EPPK1: variants seen among roughly 807,000 people sequenced by gnomAD.
EPPK1 encodes the protein epiplakin.
For synonymous variants in EPPK1, 1,862 were observed against 1,721.2 expected (o/e 1.08, Z -2.03); for missense variants, 3,823 against 3,673.3 (o/e 1.04, Z -1.05).
At position 143,870,392 on chromosome 8, in the gene EPPK1, C is replaced by T. The variant is rs1346263836; in HGVS notation, c.2862G>A (p.Leu954=). The change falls in exon 2 of 2, where the codon CTG becomes CTA. Residue 954 remains leucine (L), a synonymous_variant. Coordinates refer to ENST00000615648, the MANE Select transcript of EPPK1 (RefSeq NM_031308.4). The surrounding 1 kb of genome is among the most constrained non-coding windows in gnomAD (Gnocchi z 5.2). ...GGGCCAGGGCCACCCTGGGCCCCAG[C>T]AGCTTCTGCCTCATGGCCTGGTAGA... ...LSLYQAMRQK[L]LGPRVALALL... The T allele has an allele frequency of 1.3e-6, 2 of 1,575,644 alleles. No homozygotes were observed. Among genetic ancestry groups the T allele is most frequent in the Admixed American group, 1.8e-5 (1 of 56,014 alleles).
In EPPK1 at chr8:143,868,514, G is replaced by A; in HGVS notation, c.4740C>T (p.Gly1580=). ...CTGGGATGCTCATCCTCTCCTGGGT[G>A]CCCTGGATAAGGACCCCGGCAATGA... ...GNFIAGVLIQ[G]TQERMSIPEA... is the part of the protein sequence containing the mutation. Residue 1580 remains glycine (G), a synonymous_variant, in exon 2 of 2, where the codon GGC becomes GGT. Transcript: ENST00000615648. 1 of 1,608,932 alleles carries A rather than the reference G, an allele frequency of 6.2e-7. No individual in the cohort carries two copies. Among genetic ancestry groups the A allele is most frequent in the Non-Finnish European group, 8.5e-7 (1 of 1,178,254 alleles).
At chr8:143,876,695 C>T (rs1554662338) in intron 1 of EPPK1, among the ~76,000 whole-genome samples, 1 of 152,256 alleles carries the variant, frequency 6.6e-6, no homozygotes, top group South Asian at 2.1e-4. Context: ...TTCCAGGACC[C>T]TCCAGGATCT....
In EPPK1 at chr8:143,869,126, C is replaced by T. The variant is rs551138426; in HGVS notation, c.4128G>A (p.Gln1376=). ...GAAGGCCGAGTCTGCAGGCTGCCGC[C>T]TGGGGCAGGTGCACCCCGTGGACAG... ...VDPVHGVHLP[Q]AAACRLGLLD... is the part of the protein sequence containing the mutation. The change falls in exon 2 of 2, where the codon CAG becomes CAA. Residue 1376 remains glutamine, a synonymous_variant. Transcript: ENST00000615648. 2 of 1,606,304 alleles carry T rather than the reference C, an allele frequency of 1.2e-6. No individual in the cohort carries two copies. The highest frequency in any genetic ancestry group is 2.2e-5 in the South Asian group (2 of 91,058).
chr8:143,867,434 G>C lies in EPPK1; in HGVS notation c.5820C>G (p.Leu1940=). Residue 1940 remains leucine, a synonymous_variant, in exon 2 of 2, where the codon CTC becomes CTG. Transcript: ENST00000615648. ...GCTTCTGGCGGGTGCAGGGGTCCAGGAGGAACCCGGTGGCGGCCTGCGCCT... is the reference window on the plus strand; with the variant it reads ...GCTTCTGGCGGGTGCAGGGGTCCAGCAGGAACCCGGTGGCGGCCTGCGCCT... ...LLEAQAATGF[L]LDPCTRQKLS... is the part of the protein sequence containing the mutation. The C allele has an allele frequency of 6.2e-7, 1 of 1,612,732 alleles. No homozygotes were observed. Among genetic ancestry groups the C allele is most frequent in the Admixed American group, 1.7e-5 (1 of 60,030 alleles).
In EPPK1 at chr8:143,871,124, G is replaced by A; in HGVS notation, c.2130C>T (p.Leu710=). 2 of 1,613,242 alleles carry A rather than the reference G, an allele frequency of 1.2e-6. No individual in the cohort carries two copies. The highest frequency in any genetic ancestry group is 1.1e-5 in the South Asian group (1 of 91,084). The change falls in exon 2 of 2, where the codon CTC becomes CTT. Residue 710 remains leucine, a synonymous_variant. Coordinates refer to ENST00000615648, the MANE Select transcript of EPPK1 (RefSeq NM_031308.4). The stretch of plus-strand genomic sequence containing the variant: ...GGCGGATGCCGTGCTCCCGGACGAT[G>A]AGGCCCTTCTGCATGGCCTGGAAGA... ...ISLFQAMQKG[L]IVREHGIRLL...
In EPPK1 at chr8:143,866,660, C is replaced by G. The variant is rs377745715; in HGVS notation, c.6594G>C (p.Gln2198His). Residue 2198 changes from glutamine (Q) to histidine (H), a missense_variant, in exon 2 of 2, where the codon CAG becomes CAC. By Grantham distance (24) the Gln-to-His change is conservative. Coordinates refer to ENST00000615648, the MANE Select transcript of EPPK1 (RefSeq NM_031308.4). ...SSAIITEEML[Q>H]DLETGRSTTQ... is the part of the protein sequence containing the mutation. ...TCGTGCTCCGTCCCGTTTCCAGGTC[C>G]TGGAGCATTTCCTCCGTGATTATGG... is the stretch of plus-strand genomic sequence containing the variant. The G allele has an allele frequency of 1.2e-5, 19 of 1,613,058 alleles. No individual in the cohort carries two copies. Among genetic ancestry groups the G allele is most frequent in the Admixed American group, 3.3e-5 (2 of 60,014 alleles).
In EPPK1 at chr8:143,873,323, C is replaced by G. The variant is rs1234714295; in HGVS notation, c.-45-25G>C. ...CCTGCAGGGGACAGAAAGGCTCAATCAGGGACCCCGCATGGCCTGGTGGGC... is the reference window on the plus strand; with the variant it reads ...CCTGCAGGGGACAGAAAGGCTCAATGAGGGACCCCGCATGGCCTGGTGGGC... On this transcript the variant is annotated intron_variant, in intron 1 of 1. Coordinates refer to ENST00000615648, the MANE Select transcript of EPPK1 (RefSeq NM_031308.4). 7.0e-6 allele frequency: 10 copies of G among 1,420,386 alleles called. No homozygotes were observed. The East Asian group carries it at 2.1e-4, about 29-fold the overall frequency. The allele number at this position is 1,420,386 out of a possible 1,614,324, so 88.0% of individuals were successfully genotyped here. A position where few individuals can be genotyped will look rare whatever the true frequency, so the allele number is the denominator to read the frequency against.
chr8:143,871,357 C>A lies in EPPK1; in HGVS notation c.1897G>T (p.Gly633Trp), dbSNP rs1554661120. 1 of 1,609,616 alleles carries A rather than the reference C, an allele frequency of 6.2e-7. No individual in the cohort carries two copies. Among genetic ancestry groups the A allele is most frequent in the East Asian group, 2.2e-5 (1 of 44,762 alleles). ...AGGGCAGTGCCGGGCCGGAGGAGCCCCTTGCATCGGGCCTCATAGATGCTC... is the reference window on the plus strand; with the variant it reads ...AGGGCAGTGCCGGGCCGGAGGAGCCACTTGCATCGGGCCTCATAGATGCTC... ...RLSIYEARCK[G>W]LLRPGTALIL... The change falls in exon 2 of 2, where the codon GGG becomes TGG. Residue 633 changes from glycine to tryptophan, a missense_variant. Gly to Trp is a radical substitution (Grantham distance 184). Transcript: ENST00000615648.
At position 143,868,028 on chromosome 8, in the gene EPPK1, A is replaced by T. The variant is rs1189025122; in HGVS notation, c.5226T>A (p.Leu1742=). The change falls in exon 2 of 2, where the codon CTT becomes CTA. Residue 1742 remains leucine (L), a synonymous_variant. Coordinates refer to ENST00000615648, the MANE Select transcript of EPPK1 (RefSeq NM_031308.4). Reference sequence around the variant, plus strand: ...CGGGGTCCTCCACACAGCGCTCCAGAAGCTGCAGGTACGTGAGGTTCTCGT... The same window carrying T: ...CGGGGTCCTCCACACAGCGCTCCAGTAGCTGCAGGTACGTGAGGTTCTCGT... ...NTHENLTYLQ[L]LERCVEDPET... The T allele has an allele frequency of 8.7e-6, 14 of 1,613,486 alleles. No individual in the cohort carries two copies. The African/African-American group carries it at 1.1e-4, about 12-fold the overall frequency.
upstream of EPPK1, among the ~76,000 whole-genome samples, chr8:143,878,725 CT>C (rs1239900549): frequency 9.5e-3 from 1,384 of 145,954 alleles, 18 homozygotes; most frequent in African/African-American, 0.029. Flanking sequence ...TTCAGAACAG[CT>C]TTTTTTTTTT....
chr8:143,878,353 C>T (rs1554662576), intron 1 of EPPK1, 85 bp downstream of exon 1: 1 of 143,756 alleles, frequency 7.0e-6, no homozygotes. Context: ...GCCCCGAGCC[C>T]GCACCCGCAC....
Position 143,866,912 on chromosome 8 carries a change from C to T in EPPK1, c.6342G>A (p.Arg2114=). Residue 2114 remains arginine (R), a synonymous_variant, in exon 2 of 2, where the codon AGG becomes AGA. Transcript: ENST00000615648. ...EAEQVEITVG[R]FRGQKPTLWA... The stretch of plus-strand genomic sequence containing the variant: ...ACAGTGTTGGTTTCTGGCCTCTGAA[C>T]CTTCCCACTGTGATTTCCACTTGCT... The T allele has an allele frequency of 1.9e-6, 3 of 1,613,056 alleles. No individual in the cohort carries two copies. The highest frequency in any genetic ancestry group is 2.5e-6 in the Non-Finnish European group (3 of 1,179,878).
At chr8:143,873,949 C>G (rs2130654984) in intron 1 of EPPK1, among the ~76,000 whole-genome samples, 1 of 152,324 alleles carries the variant, frequency 6.6e-6, no homozygotes, top group Middle Eastern at 3.4e-3. Context: ...GCCCTGGTCT[C>G]CTGCCTCAGC....
Position 143,866,808 on chromosome 8 carries a change from C to G in EPPK1, c.6446G>C (p.Arg2149Pro), listed in dbSNP as rs782198653. The G allele has an allele frequency of 3.1e-6, 5 of 1,613,330 alleles. No homozygotes were observed. The highest frequency in any genetic ancestry group is 1.3e-5 in the African/African-American group (1 of 74,924). ...GAGCTGCGCTACCGTCTGCAGTGCCCGTCTGGTGTGTGTTCTATACATCCT... is the reference window on the plus strand; with the variant it reads ...GAGCTGCGCTACCGTCTGCAGTGCCGGTCTGGTGTGTGTTCTATACATCCT... ...LVRMYRTHTR[R>P]ALQTVAQLIL... Residue 2149 changes from arginine to proline, a missense_variant, in exon 2 of 2, where the codon CGG (arginine) becomes CCG (proline). By Grantham distance (103) the Arg-to-Pro change is moderately radical. Coordinates refer to ENST00000615648, the MANE Select transcript of EPPK1 (RefSeq NM_031308.4).
chr8:143,875,523 G>T (rs1819461218), intron 1 of EPPK1, among the ~76,000 whole-genome samples: 1 of 152,248 alleles, frequency 6.6e-6, no homozygotes, highest in East Asian at 1.9e-4. Context: ...CTGTCCCGAG[G>T]GACCGTGCTC....
rs1554661304 is a variant in EPPK1 at position 143,871,778 on chromosome 8, G to A, written c.1476C>T (p.Ser492=). Reference sequence around the variant, plus strand: ...CCACAGAGACGGTGGCTGTGGCCGTGCTCAGGGCCTGCCGAGTGCTGTACT... The same window carrying A: ...CCACAGAGACGGTGGCTGTGGCCGTACTCAGGGCCTGCCGAGTGCTGTACT... ...FIKYSTRQAL[S]TATATVSVGK... The change falls in exon 2 of 2, where the codon AGC becomes AGT. Residue 492 remains serine (S), a synonymous_variant. Coordinates refer to ENST00000615648, the MANE Select transcript of EPPK1 (RefSeq NM_031308.4). The A allele has an allele frequency of 3.1e-6, 5 of 1,611,344 alleles. No individual in the cohort carries two copies. The Admixed American group carries it at 8.3e-5, about 27-fold the overall frequency.
Position 143,870,288 on chromosome 8 carries a change from C to T in EPPK1, c.2966G>A (p.Arg989His), listed in dbSNP as rs375935264. 526 of 1,584,646 alleles carry T rather than the reference C, an allele frequency of 3.3e-4. No homozygotes were observed. Among genetic ancestry groups the T allele is most frequent in the East Asian group, 8.7e-4 (38 of 43,638 alleles). The stretch of plus-strand genomic sequence containing the variant: ...CAGCTCCGGCCCCACCACACCCCTG[C>T]GCACGGCCTCATCCACCGAGAGGCT... ...PESLSVDEAV[R>H]RGVVGPELYG... The change falls in exon 2 of 2, where the codon CGC becomes CAC. Residue 989 changes from arginine (R) to histidine (H), a missense_variant. Physicochemically the swap from Arg to His is conservative, Grantham distance 29. Coordinates refer to ENST00000615648, the MANE Select transcript of EPPK1 (RefSeq NM_031308.4). The surrounding 1 kb of genome is among the most constrained non-coding windows in gnomAD (Gnocchi z 5.2).
At position 143,867,468 on chromosome 8, in the gene EPPK1, C is replaced by G. The variant is rs1044515215; in HGVS notation, c.5786G>C (p.Trp1929Ser). ...GGTGGCGGCCTGCGCCTCCAGCAGC[C>G]AAGTCGCAAATGCTGCAGGGATGAG... ...KELIPAAFAT[W>S]LLEAQAATGF... Residue 1929 changes from tryptophan (W) to serine (S), a missense_variant, in exon 2 of 2, where the codon TGG becomes TCG. Physicochemically the swap from Trp to Ser is radical, Grantham distance 177. Transcript: ENST00000615648. 6 of 1,612,526 alleles carry G rather than the reference C, an allele frequency of 3.7e-6. No homozygotes were observed. In the African/African-American group the frequency reaches 6.7e-5, roughly 18 times the overall value.
Position 143,866,896 on chromosome 8 carries a change from G to A in EPPK1, c.6358C>T (p.Pro2120Ser). ...GAATTCAGTAGTGCCCACAGTGTTG[G>A]TTTCTGGCCTCTGAACCTTCCCACT... ...ITVGRFRGQK[P>S]TLWALLNSEY... The change falls in exon 2 of 2, where the codon CCA becomes TCA. Residue 2120 changes from proline to serine, a missense_variant. Transcript: ENST00000615648. The A allele has an allele frequency of 1.9e-6, 3 of 1,613,106 alleles. No individual in the cohort carries two copies. Among genetic ancestry groups the A allele is most frequent in the Non-Finnish European group, 1.7e-6 (2 of 1,179,822 alleles).
Sources: gnomAD v4.1 joint callset for allele counts (sites outside exome capture counted in the v4.1 genomes callset) on GRCh38, gnomAD v4.1.1 for gene constraint, Gnocchi (gnomAD v3.1) non-coding constraint, MANE v1.5 for transcripts, NCBI Gene and HGNC (gene_info 2026-07-23, HGNC 2026-07-21) for gene names.